MYO9A: variants seen among roughly 807,000 people sequenced by gnomAD.
MYO9A encodes myosin IXA, also known as unconventional myosin-IXa.
In MYO9A, 103 loss-of-function variants were observed where a neutral mutation model predicts 293.3. The ratio of observed to expected loss-of-function variants is 0.35; its 90% CI spans 0.30 to 0.41. MYO9A has a LOEUF of 0.41. Among genes scored for constraint, MYO9A ranks in the 10% least tolerant of loss-of-function variants. The pLI, the probability that MYO9A is intolerant of heterozygous loss-of-function variation, is 1.00. For synonymous variants in MYO9A, 1,001 were observed against 1,035.7 expected, an observed-to-expected ratio of 0.97 and a Z score of 0.64; for missense variants, 2,685 against 3,033.0, an observed-to-expected ratio of 0.89 and a Z score of 2.69.
At chr15:71,835,068 C>T (rs1458979656) in intron 39 of MYO9A, among the ~76,000 whole-genome samples, 1 of 152,046 alleles carries the variant, frequency 6.6e-6, no homozygotes, top group Non-Finnish European at 1.5e-5. Context: ...AACCTCAATA[C>T]ATGCAGTAAA....
chr15:71,921,897 T>C (rs2058164609), intron 18 of MYO9A, among the ~76,000 whole-genome samples: 1 of 152,136 alleles, frequency 6.6e-6, no homozygotes, highest in Non-Finnish European at 1.5e-5. Context: ...CCCCTAATGC[T>C]TTCTTTGTTC....
chr15:72,038,949 T>C (rs1347584776), intron 2 of MYO9A, among the ~76,000 whole-genome samples: 1 of 152,048 alleles, frequency 6.6e-6, no homozygotes, highest in Non-Finnish European at 1.5e-5. Context: ...ATACATAATC[T>C]ATATATATTT....
intron 32 of MYO9A, 99 bp from the exon 33 acceptor site, chr15:71,862,710 G>A: frequency 1.5e-6 from 1 of 675,212 alleles, no homozygotes; most frequent in Non-Finnish European, 2.6e-6. Context: ...GTCTTCACTA[G>A]GCACTAATTC....
At chr15:71,906,758 C>CTTTCTTTCTTTTTTTTT (rs765264146) in intron 19 of MYO9A, among the ~76,000 whole-genome samples, 2 of 61,012 alleles carry the variant, frequency 3.3e-5, no homozygotes, top group Admixed American at 2.2e-4. Context: ...CCATTTCTTT[C>CTTTCTTTCTTTTTTTTT]TTTTTTTTTT....
At chr15:71,848,812 C>T in intron 39 of MYO9A, 33 bp downstream of exon 39, 2 of 1,575,432 alleles carry the variant, frequency 1.3e-6, no homozygotes, top group South Asian at 1.2e-5. Context: ...AGACAACTCC[C>T]ATTTTTCCAC....
At chr15:71,979,630 G>C (rs2076224042) in intron 11 of MYO9A, among the ~76,000 whole-genome samples, 1 of 152,090 alleles carries the variant, frequency 6.6e-6, no homozygotes, top group African/African-American at 2.4e-5. Context: ...TAATTGCATT[G>C]TGAAACAACA....
intron 15 of MYO9A, among the ~76,000 whole-genome samples, chr15:71,939,709 A>C (rs1335553012): frequency 6.6e-6 from 1 of 152,226 alleles, no homozygotes; most frequent in African/African-American, 2.4e-5. Context: ...ATATTTAAAA[A>C]ATGTAATGTT....
chr15:71,838,856 A>C (rs2055037957), intron 39 of MYO9A, among the ~76,000 whole-genome samples: 1 of 152,188 alleles, frequency 6.6e-6, no homozygotes, highest in African/African-American at 2.4e-5. Flanking sequence ...ACTAGCACTG[A>C]ATTCATTCCT....
At chr15:71,880,785 A>G (rs1277138206) in intron 28 of MYO9A, among the ~76,000 whole-genome samples, 2 of 152,184 alleles carry the variant, frequency 1.3e-5, no homozygotes, top group African/African-American at 2.4e-5. Context: ...AAGGGAGATG[A>G]TATCATATCT....
chr15:72,020,416 T>C (rs1248245152), intron 5 of MYO9A, among the ~76,000 whole-genome samples: 7 of 152,206 alleles, frequency 4.6e-5, no homozygotes, highest in Admixed American at 3.3e-4. Flanking sequence ...TTTGATGACC[T>C]TCATACTGAA....
intron 1 of MYO9A, among the ~76,000 whole-genome samples, chr15:72,100,873 G>A (rs1487608417): frequency 1.3e-5 from 2 of 148,346 alleles, no homozygotes; most frequent in African/African-American, 2.5e-5. Context: ...GGGAGGTGGG[G>A]GGGGTCAGCC....
intron 11 of MYO9A, among the ~76,000 whole-genome samples, chr15:71,984,638 T>C (rs893713257): frequency 1.3e-5 from 2 of 152,214 alleles, no homozygotes; most frequent in Non-Finnish European, 2.9e-5. Context: ...TCTTCATTCA[T>C]TAGGCTCAGT....
chr15:71,961,269 A>C (rs2075732101), intron 13 of MYO9A, among the ~76,000 whole-genome samples: 1 of 152,192 alleles, frequency 6.6e-6, no homozygotes, highest in South Asian at 2.1e-4. Context: ...GTATGATGAG[A>C]AAATGAGGAA....
At chr15:71,912,730 T>C (rs747569455) in intron 19 of MYO9A, among the ~76,000 whole-genome samples, 9 of 152,172 alleles carry the variant, frequency 5.9e-5, no homozygotes, top group Non-Finnish European at 1.3e-4. Context: ...GGTCTGAAAA[T>C]GTCTCTACTT....
At chr15:71,982,694 C>A (rs2076306327) in intron 11 of MYO9A, among the ~76,000 whole-genome samples, 1 of 152,252 alleles carries the variant, frequency 6.6e-6, no homozygotes, top group Non-Finnish European at 1.5e-5. Context: ...TTTAAATCTT[C>A]TGTATCCTTA....
rs1285159716 is a variant in MYO9A, at chr15:71,825,599, ATTAT to A, written c.*977_*980del. 1.3e-5 allele frequency: 2 copies of A among 151,348 alleles called. No homozygotes were observed. Among genetic ancestry groups the A allele is most frequent in the African/African-American group, 2.4e-5 (1 of 41,222 alleles). 9.4% of individuals were successfully genotyped at this position (151,348 alleles called of 1,614,324 possible). A position where few individuals can be genotyped will look rare whatever the true frequency, so the allele number is the denominator to read the frequency against. On this transcript the variant is annotated 3_prime_UTR_variant, in exon 42 of 42. Coordinates refer to ENST00000356056, the MANE Select transcript of MYO9A (RefSeq NM_006901.4). ...TTTTGGAAACTAACTAAACGGTCACATTATTTGTTTGTTTGTTTGAGTCTGAGTC... is the reference window on the plus strand; with the variant it reads ...TTTTGGAAACTAACTAAACGGTCACATTGTTTGTTTGTTTGAGTCTGAGTC...
intron 34 of MYO9A, among the ~76,000 whole-genome samples, chr15:71,858,100 G>T (rs1241392934): frequency 6.6e-6 from 1 of 152,300 alleles, no homozygotes; most frequent in Non-Finnish European, 1.5e-5. Context: ...TAAAAAGTCA[G>T]GAAACAACAG....
In MYO9A at chr15:71,951,858, T is replaced by C. The variant is rs28548453; in HGVS notation, c.2221A>G (p.Met741Val). Residue 741 changes from methionine to valine, a missense_variant, in exon 15 of 42, where the codon ATG (methionine) becomes GTG (valine). Met to Val is a conservative substitution (Grantham distance 21). This residue lies in a region of MYO9A where 1,434 missense variants were observed against 1,497.7 expected (regional missense o/e 0.96). Transcript: ENST00000356056. Reference sequence around the variant, plus strand: ...TGTTGGAGAAAGCTAAAACTATCCATACTTTTCAAAATTGCACATGGCGCT... The same window carrying C: ...TGTTGGAGAAAGCTAAAACTATCCACACTTTTCAAAATTGCACATGGCGCT... Reference protein sequence around the residue: ...DTAPCAILKSMDSFSFLQHPV... With the variant: ...DTAPCAILKSVDSFSFLQHPV... 1.0e-3 allele frequency: 1,668 copies of C among 1,612,112 alleles called. 16 individuals are homozygous for C. The African/African-American group carries it at 0.019, about 19-fold the overall frequency.
intron 39 of MYO9A, among the ~76,000 whole-genome samples, chr15:71,830,973 C>CTT (rs67440366): frequency 9.7e-5 from 10 of 103,088 alleles, no homozygotes; most frequent in East Asian, 5.8e-4. Flanking sequence ...CTGCTTCTTC[C>CTT]TTTTTTTTTT....
Sources: gnomAD v4.1 joint callset for allele counts (sites outside exome capture counted in the v4.1 genomes callset) on GRCh38, gnomAD v4.1.1 for gene constraint, gnomAD v4.1.1 regional missense constraint, MANE v1.5 for transcripts, NCBI Gene and HGNC (gene_info 2026-07-23, HGNC 2026-07-21) for gene names.